SNAI1: variants seen among roughly 807,000 people sequenced by gnomAD.
The protein encoded by SNAI1 is snail family transcriptional repressor 1.
A neutral mutation model predicts 24.7 loss-of-function variants in SNAI1; 15 were observed. The ratio of observed to expected loss-of-function variants is 0.61; its 90% CI spans 0.41 to 0.93. The LOEUF (loss-of-function observed/expected upper bound fraction) is 0.93. SNAI1 is among the 40% of genes least tolerant of loss of function. SNAI1 has a pLI of 0.00. For missense variants in SNAI1, 283 were observed against 336.7 expected, an observed-to-expected ratio of 0.84 and a Z score of 1.25; for synonymous variants, 163 against 142.9, an observed-to-expected ratio of 1.14 and a Z score of -1.00.
chr20:49,987,562 C>A (rs192667153), intron 2 of SNAI1, among the ~76,000 whole-genome samples: 1 of 152,104 alleles, frequency 6.6e-6, no homozygotes. Context: ...CACGTCCCTG[C>A]GGGATGTGGA....
rs1255418126 is a variant in SNAI1, at chr20:49,984,361, C to T, written c.610+10C>T. The T allele has an allele frequency of 6.3e-7, 1 of 1,575,016 alleles. No homozygotes were observed. Among genetic ancestry groups the T allele is most frequent in the Non-Finnish European group, 8.6e-7 (1 of 1,160,992 alleles). On this transcript the variant is annotated intron_variant, in intron 2 of 2. Coordinates refer to ENST00000244050, the MANE Select transcript of SNAI1 (RefSeq NM_005985.4). ...GTCCGGACCCACACTGGTACGTGCCCCTCCAGGCGCCCCCACCGTTGCTCT... is the reference window on the plus strand; with the variant it reads ...GTCCGGACCCACACTGGTACGTGCCTCTCCAGGCGCCCCCACCGTTGCTCT...
At chr20:49,987,093 A>G (rs2078336185) in intron 2 of SNAI1, among the ~76,000 whole-genome samples, 1 of 152,224 alleles carries the variant, frequency 6.6e-6, no homozygotes, top group Non-Finnish European at 1.5e-5. Context: ...GGTGATAGAA[A>G]GGGGCCCAGG....
chr20:49,983,790 T>C, intron 1 of SNAI1, 34 bp from the exon 2 acceptor site: 2 of 1,532,212 alleles, frequency 1.3e-6, no homozygotes, highest in Non-Finnish European at 1.8e-6. Flanking sequence ...GTGAATGATT[T>C]AATTAACGCC....
chr20:49,988,278 A>C lies in SNAI1; in HGVS notation c.*222A>C. ...GGCCTTCCCATGGCCATTTCTGTGG[A>C]GGGAGGGCAGCTGGCCCCCAGCCCT... On this transcript the variant is annotated 3_prime_UTR_variant, in exon 3 of 3. Transcript: ENST00000244050. The C allele has an allele frequency of 1.9e-6, 1 of 519,040 alleles. No individual in the cohort carries two copies. The highest frequency in any genetic ancestry group is 3.3e-5 in the East Asian group (1 of 30,042). 32.2% of individuals were successfully genotyped at this position (519,040 alleles called of 1,614,324 possible). A position where few individuals can be genotyped will look rare whatever the true frequency, so the allele number is the denominator to read the frequency against.
intron 2 of SNAI1, among the ~76,000 whole-genome samples, chr20:49,986,349 C>A (rs1290352481): frequency 1.3e-5 from 2 of 152,214 alleles, no homozygotes; most frequent in East Asian, 3.9e-4. Flanking sequence ...GTCCAGCTCT[C>A]AGGCGCTCCA....
intron 1 of SNAI1, 91 bp from the exon 2 acceptor site, chr20:49,983,733 G>T: frequency 7.8e-7 from 1 of 1,275,418 alleles, no homozygotes; most frequent in Non-Finnish European, 1.1e-6. Context: ...TTGAGAATCG[G>T]CCCCACCCAG....
chr20:49,983,701 A>AT (rs2078324044), intron 1 of SNAI1, 123 bp from the exon 2 acceptor site: 5 of 995,020 alleles, frequency 5.0e-6, no homozygotes, highest in Non-Finnish European at 4.4e-6. Context: ...CCTGTGGATA[A>AT]TTTTTTTGAT....
In SNAI1 at chr20:49,983,966, C is replaced by T; in HGVS notation, c.225C>T (p.Ala75=). 5 of 1,613,618 alleles carry T rather than the reference C, an allele frequency of 3.1e-6. No homozygotes were observed. Among genetic ancestry groups the T allele is most frequent in the Non-Finnish European group, 4.2e-6 (5 of 1,179,980 alleles). ...LAPQAQPIAW[A]SLRLQESPRV... ...CCCAAGCCCAGCCAATTGCCTGGGC[C>T]TCCCTTCGGCTCCAGGAGAGTCCCA... Residue 75 remains alanine, a synonymous_variant, in exon 2 of 3, where the codon GCC becomes GCT. Transcript: ENST00000244050.
chr20:49,983,520 A>G (rs1304890742), intron 1 of SNAI1, among the ~76,000 whole-genome samples: 3 of 87,656 alleles, frequency 3.4e-5, no homozygotes, highest in African/African-American at 1.4e-4. Context: ...GAGGAGGGGG[A>G]TTGGGGCAGG....
intron 1 of SNAI1, 131 bp from the exon 2 acceptor site, chr20:49,983,693 T>C (rs982592284): frequency 2.2e-5 from 20 of 900,688 alleles, no homozygotes; most frequent in Non-Finnish European, 3.1e-5. Flanking sequence ...TGGTCTGTCC[T>C]GTGGATAATT....
chr20:49,983,519 G>T (rs2078323481), intron 1 of SNAI1, among the ~76,000 whole-genome samples: 2 of 148,482 alleles, frequency 1.3e-5, no homozygotes, highest in Non-Finnish European at 1.5e-5. Context: ...TGAGGAGGGG[G>T]ATTGGGGCAG....
intron 2 of SNAI1, among the ~76,000 whole-genome samples, chr20:49,987,551 G>T (rs1045392573): frequency 6.6e-6 from 1 of 152,118 alleles, no homozygotes; most frequent in African/African-American, 2.4e-5. Flanking sequence ...TGACCACTTC[G>T]CACGTCCCTG....
Position 49,988,068 on chromosome 20 carries a change from C to T in SNAI1, c.*12C>T. 6.3e-7 allele frequency: 1 copy of T among 1,576,334 alleles called. No homozygotes were observed. The highest frequency in any genetic ancestry group is 8.6e-7 in the Non-Finnish European group (1 of 1,158,006). ...GATGTCCCCGCTGACCCTCGAGGCT[C>T]CCTCTTCCTCTCCATACCTGCCCCT... On this transcript the variant is annotated 3_prime_UTR_variant, in exon 3 of 3. Coordinates refer to ENST00000244050, the MANE Select transcript of SNAI1 (RefSeq NM_005985.4).
At position 49,983,793 on chromosome 20, in the gene SNAI1, T is replaced by C. The variant is rs774553393; in HGVS notation, c.83-31T>C. ...TTTGTTGATTGAGTGAATGATTTAA[T>C]TAACGCCTGACTCTGCTTTTTCTCC... On this transcript the variant is annotated intron_variant, in intron 1 of 2. Transcript: ENST00000244050. The C allele has an allele frequency of 1.9e-5, 29 of 1,537,590 alleles. No individual in the cohort carries two copies. The East Asian group carries it at 3.4e-4, about 18-fold the overall frequency.
intron 2 of SNAI1, 28 bp downstream of exon 2, chr20:49,984,379 G>A (rs765403341): frequency 1.6e-5 from 25 of 1,548,020 alleles, no homozygotes; most frequent in Non-Finnish European, 2.1e-5. Context: ...CGCCCCCACC[G>A]TTGCTCTCTC....
chr20:49,987,849 C>T lies in SNAI1; in HGVS notation c.611-23C>T, dbSNP rs1167138510. On this transcript the variant is annotated intron_variant, in intron 2 of 2. Transcript: ENST00000244050. Reference sequence around the variant, plus strand: ...AGCCGTTGTCCCACGGCTCACTCGGCCTTTCTGGCGTTCTCTCCCCAGGCG... The same window carrying T: ...AGCCGTTGTCCCACGGCTCACTCGGTCTTTCTGGCGTTCTCTCCCCAGGCG... 3 of 1,612,308 alleles carry T rather than the reference C, an allele frequency of 1.9e-6. No individual in the cohort carries two copies. In the South Asian group the frequency reaches 3.3e-5, roughly 18 times the overall value.
chr20:49,985,528 G>T (rs2078331163), intron 2 of SNAI1, among the ~76,000 whole-genome samples: 1 of 152,224 alleles, frequency 6.6e-6, no homozygotes, highest in South Asian at 2.1e-4. Flanking sequence ...TTTTGGGACA[G>T]TTGAACCCCT....
chr20:49,983,746 C>T (rs2078324159), intron 1 of SNAI1, 78 bp from the exon 2 acceptor site: 1 of 1,415,406 alleles, frequency 7.1e-7, no homozygotes, highest in Non-Finnish European at 9.5e-7. Context: ...CCACCCAGCC[C>T]CTGGCCAGCG....
Position 49,988,134 on chromosome 20 carries a change from A to C in SNAI1, c.*78A>C. ...CCAGCTCCAGCAGGAAGGACCCCAC[A>C]TCCTTCTCACTGCCATGGAATTCCC... On this transcript the variant is annotated 3_prime_UTR_variant, in exon 3 of 3. Coordinates refer to ENST00000244050, the MANE Select transcript of SNAI1 (RefSeq NM_005985.4). 1.6e-6 allele frequency: 2 copies of C among 1,277,644 alleles called. No homozygotes were observed. The highest frequency in any genetic ancestry group is 2.2e-6 in the Non-Finnish European group (2 of 919,024). 79.1% of individuals were successfully genotyped at this position (1,277,644 alleles called of 1,614,324 possible).
Sources: allele counts gnomAD v4.1 joint callset (sites outside exome capture counted in the v4.1 genomes callset), GRCh38; gene constraint gnomAD v4.1.1; transcripts MANE v1.5; gene names NCBI Gene and HGNC (gene_info 2026-07-23, HGNC 2026-07-21).